Variants in BMPER observed in about 807,000 individuals in gnomAD.
BMPER encodes the protein BMP-binding endothelial regulator protein.
BMPER carries 45 observed loss-of-function variants against 87.3 expected under a neutral mutation model. The ratio of observed to expected loss-of-function variants is 0.52; its 90% CI spans 0.41 to 0.66. The LOEUF is 0.66. BMPER is among the 30% of genes least tolerant of loss of function. The probability of loss-of-function intolerance (pLI) is 0.00; values close to 1 mark genes in which losing one functional copy is unlikely to be tolerated. For missense variants in BMPER, 784 were observed against 867.5 expected (o/e 0.90, Z 1.21); for synonymous variants, 326 against 316.2 (o/e 1.03, Z -0.33).
At chr7:34,104,872 A>G (rs1376577105) in intron 13 of BMPER, among the ~76,000 whole-genome samples, 1 of 152,188 alleles carries the variant, frequency 6.6e-6, no homozygotes, top group Non-Finnish European at 1.5e-5. Flanking sequence ...GTGCTCAGAA[A>G]CACATTTCAG....
chr7:33,954,077 C>T (rs1489832228), intron 3 of BMPER, among the ~76,000 whole-genome samples: 1 of 152,156 alleles, frequency 6.6e-6, no homozygotes, highest in East Asian at 1.9e-4. Context: ...TTCCACTGGG[C>T]ATCTATATTC....
intron 6 of BMPER, among the ~76,000 whole-genome samples, chr7:33,991,895 A>G (rs1323720372): frequency 1.4e-5 from 2 of 141,612 alleles, no homozygotes; most frequent in Admixed American, 1.4e-4. Context: ...ATTCAGGAGC[A>G]GGTTGTTCAG....
intron 11 of BMPER, among the ~76,000 whole-genome samples, chr7:34,074,115 A>G (rs1044738349): frequency 6.6e-6 from 1 of 152,246 alleles, no homozygotes; most frequent in African/African-American, 2.4e-5. Flanking sequence ...AATATGTGAA[A>G]GCAAATTCAT....
chr7:34,120,185 A>G (rs1790226052), intron 13 of BMPER, among the ~76,000 whole-genome samples: 1 of 152,204 alleles, frequency 6.6e-6, no homozygotes, highest in Admixed American at 6.5e-5. Context: ...AACAATTGAA[A>G]TTGTGTGATT....
chr7:33,966,386 G>A (rs1785406431), intron 3 of BMPER, 93 bp from the exon 4 acceptor site: 2 of 1,090,328 alleles, frequency 1.8e-6, no homozygotes, highest in African/African-American at 1.5e-5. Context: ...CGCTAATCTG[G>A]GCTTAGAGAA....
At chr7:34,056,947 G>T (rs1019277241) in intron 9 of BMPER, among the ~76,000 whole-genome samples, 1 of 152,090 alleles carries the variant, frequency 6.6e-6, no homozygotes, top group Non-Finnish European at 1.5e-5. Context: ...TTGTAAAAAC[G>T]GTTCCTTTAA....
At chr7:33,985,729 GT>G (rs377717422) in intron 6 of BMPER, among the ~76,000 whole-genome samples, 1,620 of 142,650 alleles carry the variant, frequency 0.011, 26 homozygotes, top group African/African-American at 0.036. Context: ...AGCCATTTGT[GT>G]TTTTTTTTTT....
chr7:34,069,598 A>G (rs944608689), intron 11 of BMPER, among the ~76,000 whole-genome samples: 50 of 152,118 alleles, frequency 3.3e-4, no homozygotes, highest in African/African-American at 1.0e-3. Context: ...CAAAGCCCAA[A>G]CTTTTATGCA....
chr7:34,097,953 CG>C (rs1789573419), intron 13 of BMPER, among the ~76,000 whole-genome samples: 1 of 151,776 alleles, frequency 6.6e-6, no homozygotes, highest in Non-Finnish European at 1.5e-5. Context: ...GATTTGAGCT[CG>C]GTGGCATTTT....
intron 3 of BMPER, among the ~76,000 whole-genome samples, chr7:33,952,541 G>A (rs549056766): frequency 5.9e-5 from 9 of 152,266 alleles, no homozygotes; most frequent in African/African-American, 2.2e-4. Flanking sequence ...ATTTGACACC[G>A]AAGCCCCTGC....
At chr7:34,142,689 G>A (rs1258617977) in intron 13 of BMPER, among the ~76,000 whole-genome samples, 2 of 152,154 alleles carry the variant, frequency 1.3e-5, no homozygotes, top group Non-Finnish European at 2.9e-5. Flanking sequence ...TTACAGAAGT[G>A]AATTCTAATC....
rs2127997899 is a variant in BMPER at position 34,155,043 on chromosome 7, G to GTA, written c.*1773_*1774dup. ...ATCTGTAACACAAAGAGGCCATGTA[G>GTA]TATAGTGAGCAGGGTTGAGAATCGG... is the stretch of plus-strand genomic sequence containing the variant. On this transcript the variant is annotated 3_prime_UTR_variant, in exon 15 of 15. Coordinates refer to ENST00000649409, the MANE Select transcript of BMPER (RefSeq NM_001365308.1). The GTA allele has an allele frequency of 6.6e-6, 1 of 152,320 alleles. No homozygotes were observed. Among genetic ancestry groups the GTA allele is most frequent in the Non-Finnish European group, 1.5e-5 (1 of 68,030 alleles). The allele number at this position is 152,320 out of a possible 1,614,324, so 9.4% of individuals were successfully genotyped here.
chr7:33,912,197 A>C (rs1290287879), intron 2 of BMPER, among the ~76,000 whole-genome samples: 4 of 152,202 alleles, frequency 2.6e-5, no homozygotes, highest in African/African-American at 9.6e-5. Flanking sequence ...GAGTATTTAC[A>C]TCTCTATGCC....
intron 11 of BMPER, among the ~76,000 whole-genome samples, chr7:34,074,796 C>T (rs2127971928): frequency 6.6e-6 from 1 of 152,244 alleles, no homozygotes; most frequent in South Asian, 2.1e-4. Context: ...ACGGGAGAAA[C>T]CTTACGACAT....
intron 13 of BMPER, among the ~76,000 whole-genome samples, chr7:34,108,501 G>A (rs964820402): frequency 6.6e-6 from 1 of 152,194 alleles, no homozygotes; most frequent in Non-Finnish European, 1.5e-5. Flanking sequence ...TCACAATGCT[G>A]GAAAGCATTA....
chr7:34,015,548 CAG>C (rs1276352230), intron 6 of BMPER, among the ~76,000 whole-genome samples: 1 of 151,900 alleles, frequency 6.6e-6, no homozygotes, highest in Non-Finnish European at 1.5e-5. Flanking sequence ...CTGCCTGTGA[CAG>C]AGCTTCCAAC....
chr7:34,072,324 A>G (rs919274824), intron 11 of BMPER, among the ~76,000 whole-genome samples: 1 of 152,234 alleles, frequency 6.6e-6, no homozygotes, highest in South Asian at 2.1e-4. Context: ...CACAGCACGA[A>G]TGCATTGTTT....
chr7:34,091,932 T>C (rs1364620327), intron 13 of BMPER, among the ~76,000 whole-genome samples: 1 of 152,218 alleles, frequency 6.6e-6, no homozygotes, highest in Admixed American at 6.5e-5. Flanking sequence ...TTCTTCAGCA[T>C]TGGATTTTAA....
rs1562761994 is a variant in BMPER at position 34,129,605 on chromosome 7, AG to A, written c.1746-13624del. ...GAGAGAGAGAGAGAGAGAGAGAGAG[AG>A]AGAAAGAGAGAGAGAGAGAAAGAGA... On this transcript the variant is annotated intron_variant, in intron 13 of 14. Transcript: ENST00000649409. Among the ~76,000 whole-genome samples the A allele has an allele frequency of 5.5e-3, 650 of 117,790 alleles. 5 individuals carry two copies. Among genetic ancestry groups the A allele is most frequent in the East Asian group, 0.02 (74 of 3,688 alleles). 77.3% of individuals were successfully genotyped at this position (117,790 alleles called of 152,430 possible). A position where few individuals can be genotyped will look rare whatever the true frequency, so the allele number is the denominator to read the frequency against.
Sources: allele counts gnomAD v4.1 joint callset (sites outside exome capture counted in the v4.1 genomes callset), GRCh38; gene constraint gnomAD v4.1.1; transcripts MANE v1.5; gene names NCBI Gene and HGNC (gene_info 2026-07-23, HGNC 2026-07-21).